The following RAET1L variants were observed in gnomAD, a reference collection of about 807,000 sequenced individuals.
RAET1L encodes the protein UL16-binding protein 6.
Under a neutral mutation model 23.9 loss-of-function variants are expected in RAET1L, and 16 were observed. That is an observed-to-expected ratio of 0.67 (90% CI 0.45 to 1.02). RAET1L has a LOEUF of 1.02. Ranked by LOEUF, RAET1L falls within the 50% of genes least tolerant of loss-of-function variation. The pLI is 0.00. For missense variants in RAET1L, 233 were observed against 304.0 expected (o/e 0.77, Z 1.74); for synonymous variants, 70 against 111.2 (o/e 0.63, Z 2.33).
chr6:150,021,774 C>A (rs1555693), intron 2 of RAET1L, among the ~76,000 whole-genome samples: 1 of 150,704 alleles, frequency 6.6e-6, no homozygotes, highest in South Asian at 2.1e-4. Flanking sequence ...TTTTGCATTT[C>A]GGTAGAGACA....
chr6:150,020,406 G>A (rs981574151), intron 3 of RAET1L, among the ~76,000 whole-genome samples, 167 bp from the exon 4 acceptor site: 2 of 152,086 alleles, frequency 1.3e-5, no homozygotes, highest in Admixed American at 6.5e-5. Flanking sequence ...AAGGGAGACG[G>A]GGTGTGTCTT....
chr6:150,021,039 C>G lies in RAET1L; in HGVS notation c.497G>C (p.Arg166Thr), dbSNP rs775216110. The G allele has an allele frequency of 1.2e-5, 20 of 1,614,096 alleles. No individual in the cohort carries two copies. The highest frequency in any genetic ancestry group is 1.7e-5 in the Non-Finnish European group (20 of 1,180,056). The change falls in exon 3 of 5, where the codon AGA becomes ACA. Residue 166 changes from arginine to threonine, a missense_variant. Arg to Thr is a moderately conservative substitution (Grantham distance 71, BLOSUM62 -1). This residue lies in a region of RAET1L where 139 missense variants were observed against 125.3 expected (regional missense o/e 1.11). Transcript: ENST00000367341. ...ATTCTCCCACTTTTCTTTCATCTTTCTGGCTCCAGGATGAACCGTTGTCCA... is the reference window on the plus strand; with the variant it reads ...ATTCTCCCACTTTTCTTTCATCTTTGTGGCTCCAGGATGAACCGTTGTCCA... ...RMWTTVHPGA[R>T]KMKEKWENDK...
rs201121679 is a variant in RAET1L, at chr6:150,020,983, T to G, written c.553A>C (p.Ile185Leu). The change falls in exon 3 of 5, where the codon ATC becomes CTC. Residue 185 changes from isoleucine (I) to leucine (L), a missense_variant. By Grantham distance (5) the Ile-to-Leu change is conservative. Around this residue, in one of 4 missense-constraint regions of RAET1L, gnomAD observed 139 missense variants for 125.3 expected, o/e 1.11. Transcript: ENST00000367341. ...CATCCTATGCAGTCTCCCATTGAGA[T>G]GTAATGGAAGGACATGGCCACATCC... is the stretch of plus-strand genomic sequence containing the variant. ...DKDVAMSFHY[I>L]SMGDCIGWLE... 1.7e-5 allele frequency: 28 copies of G among 1,614,198 alleles called. No homozygotes were observed. The East Asian group carries it at 5.8e-4, about 33-fold the overall frequency.
At position 150,025,276 on chromosome 6, in the gene RAET1L, G is replaced by A. The variant is rs1037634650; in HGVS notation, c.85+111C>T. On this transcript the variant is annotated intron_variant, in intron 1 of 4. Coordinates refer to ENST00000367341, the MANE Select transcript of RAET1L (RefSeq NM_130900.3). ...GGGAACTGAGCTGGGGGCGCAGTTCGGGGAGATCTCCCTTGTCCTTCCAGA... is the reference window on the plus strand; with the variant it reads ...GGGAACTGAGCTGGGGGCGCAGTTCAGGGAGATCTCCCTTGTCCTTCCAGA... The A allele has an allele frequency of 1.2e-4, 105 of 863,724 alleles. No individual in the cohort carries two copies. In the Admixed American group the frequency reaches 1.9e-3, roughly 15 times the overall value. The allele number at this position is 863,724 out of a possible 1,614,324, so 53.5% of individuals were successfully genotyped here.
chr6:150,021,985 G>A lies in RAET1L; in HGVS notation c.344C>T (p.Pro115Leu). The A allele has an allele frequency of 6.3e-7, 1 of 1,599,220 alleles. No homozygotes were observed. The highest frequency in any genetic ancestry group is 1.4e-5 in the African/African-American group (1 of 72,992). Residue 115 changes from proline to leucine, a missense_variant, in exon 2 of 5, where the codon CCC becomes CTC. Physicochemically the swap from Pro to Leu is moderately conservative, Grantham distance 98 (BLOSUM62 -3). Transcript: ENST00000367341. ...LLDIQLENYT[P>L]KEPLTLQARM... is the part of the protein sequence containing the mutation. ...CTGGGCCATCTGAAACTTACCCTTG[G>A]GTGTGTAATTCTCCAGCTGAATGTC...
chr6:150,025,270 C>T, intron 1 of RAET1L, 117 bp downstream of exon 1: 1 of 798,672 alleles, frequency 1.3e-6, no homozygotes, highest in Non-Finnish European at 2.0e-6. Context: ...GCTGGGGGCG[C>T]AGTTCGGGGA....
intron 4 of RAET1L, 89 bp from the exon 5 acceptor site, chr6:150,018,944 A>C: frequency 4.0e-6 from 1 of 252,730 alleles, no homozygotes; most frequent in Non-Finnish European, 7.8e-6. Context: ...TCTATGTCTC[A>C]GAGCCCCCTG....
At chr6:150,025,230 C>G (rs1210174187) in intron 1 of RAET1L, among the ~76,000 whole-genome samples, 157 bp downstream of exon 1, 1 of 152,188 alleles carries the variant, frequency 6.6e-6, no homozygotes. Flanking sequence ...GGAGTGGACC[C>G]GGCGGGAAGG....
At position 150,020,323 on chromosome 6, in the gene RAET1L, C is replaced by T. The variant is rs1779869355; in HGVS notation, c.632-84G>A. On this transcript the variant is annotated intron_variant, in intron 3 of 4. Transcript: ENST00000367341. ...CTCCTCAGTTCCTGCCACCCTAGGTCATCCTGGAAGGCAAAAGTTTTGTCC... is the reference window on the plus strand; with the variant it reads ...CTCCTCAGTTCCTGCCACCCTAGGTTATCCTGGAAGGCAAAAGTTTTGTCC... 7.0e-6 allele frequency: 11 copies of T among 1,571,624 alleles called. No homozygotes were observed. The South Asian group carries it at 1.0e-4, about 15-fold the overall frequency.
chr6:150,021,238 C>T (rs757853401), intron 2 of RAET1L, 52 bp from the exon 3 acceptor site: 12 of 1,559,508 alleles, frequency 7.7e-6, no homozygotes, highest in Non-Finnish European at 1.0e-5. Flanking sequence ...TTTGCACCCC[C>T]ATCCTGTTCC....
chr6:150,024,472 T>A (rs1779923492), intron 1 of RAET1L, among the ~76,000 whole-genome samples: 1 of 151,956 alleles, frequency 6.6e-6, no homozygotes, highest in African/African-American at 2.4e-5. Flanking sequence ...TCACAGGGCA[T>A]CCTTCCTCCC....
Position 150,021,026 on chromosome 6 carries a change from T to G in RAET1L, c.510A>C (p.Glu170Asp). ...TVHPGARKMK[E>D]KWENDKDVAM... is the part of the protein sequence containing the mutation. ...CCACATCCTTGTCATTCTCCCACTT[T>G]TCTTTCATCTTTCTGGCTCCAGGAT... is the stretch of plus-strand genomic sequence containing the variant. The change falls in exon 3 of 5, where the codon GAA becomes GAC. Residue 170 changes from glutamate (E) to aspartate (D), a missense_variant. By Grantham distance (45) the Glu-to-Asp change is conservative. Coordinates refer to ENST00000367341, the MANE Select transcript of RAET1L (RefSeq NM_130900.3). 1.2e-6 allele frequency: 2 copies of G among 1,614,204 alleles called. No individual in the cohort carries two copies. Among genetic ancestry groups the G allele is most frequent in the Non-Finnish European group, 1.7e-6 (2 of 1,180,034 alleles).
At chr6:150,024,030 G>A (rs565459517) in intron 1 of RAET1L, among the ~76,000 whole-genome samples, 2 of 152,236 alleles carry the variant, frequency 1.3e-5, no homozygotes, top group East Asian at 1.9e-4. Context: ...CAGGGCCACC[G>A]GGAACCAAGA....
chr6:150,018,494 T>C lies in RAET1L; in HGVS notation c.*384A>G, dbSNP rs1779847570. On this transcript the variant is annotated 3_prime_UTR_variant, in exon 5 of 5. Coordinates refer to ENST00000367341, the MANE Select transcript of RAET1L (RefSeq NM_130900.3). Reference sequence around the variant, plus strand: ...GAGGTCTGAAGTCTAACATGATTGTTTTACTGACAATCATGTCAGTAATGA... The same window carrying C: ...GAGGTCTGAAGTCTAACATGATTGTCTTACTGACAATCATGTCAGTAATGA... 2 of 152,224 alleles carry C rather than the reference T, an allele frequency of 1.3e-5. No homozygotes were observed. The highest frequency in any genetic ancestry group is 1.3e-4 in the Admixed American group (2 of 15,288). The allele number at this position is 152,224 out of a possible 1,614,324, so 9.4% of individuals were successfully genotyped here.
chr6:150,020,377 T>C (rs1225443851), intron 3 of RAET1L, 138 bp from the exon 4 acceptor site: 37 of 1,511,270 alleles, frequency 2.4e-5, no homozygotes, highest in Non-Finnish European at 3.0e-5. Context: ...GCAGCCAGTA[T>C]GACAGGTCCT....
At chr6:150,019,216 C>A (rs1209830152) in intron 4 of RAET1L, among the ~76,000 whole-genome samples, 1 of 152,204 alleles carries the variant, frequency 6.6e-6, no homozygotes, top group Non-Finnish European at 1.5e-5. Context: ...TATTCCTGTG[C>A]CCTTGGCCTT....
intron 1 of RAET1L, among the ~76,000 whole-genome samples, chr6:150,024,956 G>A (rs1227727314): frequency 6.6e-6 from 1 of 152,130 alleles, no homozygotes; most frequent in Non-Finnish European, 1.5e-5. Flanking sequence ...GTGGTAGAGA[G>A]CAGGTGAGAG....
chr6:150,023,137 G>A (rs1779907368), intron 1 of RAET1L, among the ~76,000 whole-genome samples: 1 of 145,892 alleles, frequency 6.9e-6, no homozygotes, highest in Non-Finnish European at 1.5e-5. Flanking sequence ...CAACTGTCAG[G>A]AGCAAGGAGG....
At chr6:150,021,924 G>A in intron 2 of RAET1L, 56 bp downstream of exon 2, 1 of 1,600,988 alleles carries the variant, frequency 6.2e-7, no homozygotes, top group Non-Finnish European at 8.5e-7. Flanking sequence ...AACTATAAAT[G>A]CCTCTAACCT....
Sources: gnomAD v4.1 joint callset for allele counts (sites outside exome capture counted in the v4.1 genomes callset) on GRCh38, gnomAD v4.1.1 for gene constraint, gnomAD v4.1.1 regional missense constraint, MANE v1.5 for transcripts, NCBI Gene and HGNC (gene_info 2026-07-23, HGNC 2026-07-21) for gene names.